Variants in ACVR1C observed in about 807,000 individuals in gnomAD.
The protein encoded by ACVR1C is activin A receptor type 1C, also known as activin receptor type-1C.
A neutral mutation model predicts 57.9 loss-of-function variants in ACVR1C; 23 were observed. The ratio of observed to expected loss-of-function variants is 0.40; its 90% CI spans 0.29 to 0.56. ACVR1C has a LOEUF of 0.56. Among genes scored for constraint, ACVR1C ranks in the 20% least tolerant of loss-of-function variants. The pLI, the probability that ACVR1C is intolerant of heterozygous loss-of-function variation, is 0.50. For missense variants in ACVR1C, 480 were observed against 607.9 expected (o/e 0.79, Z 2.21); for synonymous variants, 214 against 215.3 (o/e 0.99, Z 0.05).
chr2:157,547,619 T>C (rs1214054388), intron 4 of ACVR1C, among the ~76,000 whole-genome samples: 1 of 142,650 alleles, frequency 7.0e-6, no homozygotes. Flanking sequence ...ATGTCTTCTT[T>C]TGAGAAGTGT....
rs188224653 is a variant in ACVR1C at position 157,529,477 on chromosome 2, C to T, written c.*4441G>A. 9.9e-5 allele frequency: 15 copies of T among 152,114 alleles called. No homozygotes were observed. The highest frequency in any genetic ancestry group is 1.6e-4 in the Non-Finnish European group (11 of 67,966). The allele number at this position is 152,114 out of a possible 1,614,324, so 9.4% of individuals were successfully genotyped here. The stretch of plus-strand genomic sequence containing the variant: ...CATTCAAGGTAGGTTTAGATGCATG[C>T]GAATTAATTTTTAATCAGTAAAAGT... On this transcript the variant is annotated 3_prime_UTR_variant, in exon 9 of 9. Transcript: ENST00000243349.
intron 2 of ACVR1C, among the ~76,000 whole-genome samples, chr2:157,576,767 G>GT (rs779451677): frequency 1.8e-4 from 27 of 148,488 alleles, no homozygotes; most frequent in South Asian, 4.4e-4. Flanking sequence ...AAGAGTTTGT[G>GT]TAAGAATTAC....
In ACVR1C at chr2:157,541,177, C is replaced by T. The variant is rs1484346954; in HGVS notation, c.1138G>A (p.Val380Met). The change falls in exon 7 of 9, where the codon GTG becomes ATG. Residue 380 changes from valine (V) to methionine (M), a missense_variant. Val to Met is a conservative substitution (Grantham distance 21, BLOSUM62 1). Coordinates refer to ENST00000243349, the MANE Select transcript of ACVR1C (RefSeq NM_145259.3). ...CGTTTGAAGGACTCAAAGATATTCA[C>T]ATTCATTGTATCATCAAGCATTTCA... Reference protein sequence around the residue: ...APEMLDDTMNVNIFESFKRAD... With the variant: ...APEMLDDTMNMNIFESFKRAD... 5.6e-6 allele frequency: 9 copies of T among 1,613,870 alleles called. No homozygotes were observed. Among genetic ancestry groups the T allele is most frequent in the Non-Finnish European group, 7.6e-6 (9 of 1,179,868 alleles).
intron 5 of ACVR1C, 134 bp from the exon 6 acceptor site, chr2:157,542,996 T>A: frequency 1.2e-6 from 1 of 834,638 alleles, no homozygotes; most frequent in Non-Finnish European, 1.8e-6. Flanking sequence ...CTATCTAAAT[T>A]ATCTTGTTTA....
At chr2:157,575,554 C>A (rs770142990) in intron 2 of ACVR1C, among the ~76,000 whole-genome samples, 1 of 152,330 alleles carries the variant, frequency 6.6e-6, no homozygotes, top group African/African-American at 2.4e-5. Context: ...CAGGTGTGAA[C>A]CATTATGCCT....
chr2:157,555,101 CTTTTTTTTTTTTTT>C (rs60269781), intron 3 of ACVR1C, among the ~76,000 whole-genome samples: 2 of 83,926 alleles, frequency 2.4e-5, no homozygotes, highest in African/African-American at 1.2e-4. Context: ...ACTTTGAACG[CTTTTTTTTTTTTTT>C]TTTTTTTTTT....
intron 2 of ACVR1C, among the ~76,000 whole-genome samples, chr2:157,560,682 GGAAC>G (rs1388062165): frequency 1.4e-4 from 21 of 152,072 alleles, no homozygotes; most frequent in Admixed American, 1.4e-3. Context: ...AACCTAAATG[GGAAC>G]TTTCTCTATA....
At chr2:157,608,358 T>C (rs1682455092) in intron 1 of ACVR1C, among the ~76,000 whole-genome samples, 1 of 152,008 alleles carries the variant, frequency 6.6e-6, no homozygotes, top group Non-Finnish European at 1.5e-5. Flanking sequence ...ATATGTTATC[T>C]TTTTGATGTG....
At chr2:157,582,970 C>T (rs1490909889) in intron 2 of ACVR1C, among the ~76,000 whole-genome samples, 2 of 152,188 alleles carry the variant, frequency 1.3e-5, no homozygotes, top group Non-Finnish European at 2.9e-5. Flanking sequence ...CAACCTCTGC[C>T]TCCTGGGTTC....
chr2:157,625,627 G>A (rs1682878436), intron 1 of ACVR1C, among the ~76,000 whole-genome samples: 1 of 150,958 alleles, frequency 6.6e-6, no homozygotes, highest in South Asian at 2.1e-4. Flanking sequence ...GGGGGGTGGG[G>A]GGAAGAATTT....
At position 157,533,117 on chromosome 2, in the gene ACVR1C, T is replaced by C. The variant is rs1008382904; in HGVS notation, c.*801A>G. ...AAATATCATAATAAAAGATATTACA[T>C]AGGGAGAAAAGCACTATTCAAGGGA... On this transcript the variant is annotated 3_prime_UTR_variant, in exon 9 of 9. Coordinates refer to ENST00000243349, the MANE Select transcript of ACVR1C (RefSeq NM_145259.3). The C allele has an allele frequency of 2.0e-5, 3 of 152,130 alleles. No individual in the cohort carries two copies. Among genetic ancestry groups the C allele is most frequent in the Non-Finnish European group, 2.9e-5 (2 of 68,022 alleles). The allele number at this position is 152,130 out of a possible 1,614,324, so 9.4% of individuals were successfully genotyped here.
chr2:157,541,256 T>C (rs747685509), intron 6 of ACVR1C, 42 bp from the exon 7 acceptor site: 4 of 1,575,082 alleles, frequency 2.5e-6, no homozygotes, highest in Non-Finnish European at 2.6e-6. Context: ...TATGACTTTA[T>C]AGCAGTCCAG....
chr2:157,601,054 G>T (rs1360271132), intron 1 of ACVR1C, among the ~76,000 whole-genome samples: 2 of 152,164 alleles, frequency 1.3e-5, no homozygotes, highest in East Asian at 3.9e-4. Flanking sequence ...GCGGTAGCTT[G>T]CACATGTAAT....
chr2:157,564,040 C>G (rs1184971932), intron 2 of ACVR1C, among the ~76,000 whole-genome samples: 2 of 152,292 alleles, frequency 1.3e-5, no homozygotes, highest in South Asian at 4.2e-4. Flanking sequence ...CAATACCATT[C>G]AGGACATAGG....
intron 2 of ACVR1C, among the ~76,000 whole-genome samples, chr2:157,561,905 G>A (rs1688236119): frequency 6.6e-6 from 1 of 152,190 alleles, no homozygotes; most frequent in African/African-American, 2.4e-5. Flanking sequence ...GGAAATGCCA[G>A]AAAAGCAGGG....
chr2:157,550,002 C>CA (rs34150063), intron 4 of ACVR1C, among the ~76,000 whole-genome samples, 160 bp downstream of exon 4: 2,004 of 91,768 alleles, frequency 0.022, 75 homozygotes, highest in African/African-American at 0.078. Flanking sequence ...GATTACGTCT[C>CA]AAAAAAAAAA....
intron 2 of ACVR1C, among the ~76,000 whole-genome samples, chr2:157,580,040 T>C (rs1328225317): frequency 2.6e-5 from 4 of 151,750 alleles, no homozygotes; most frequent in African/African-American, 9.7e-5. Context: ...GCACCCCCTC[T>C]CTTCCCCAAC....
At chr2:157,610,038 T>C (rs1682496953) in intron 1 of ACVR1C, among the ~76,000 whole-genome samples, 2 of 152,124 alleles carry the variant, frequency 1.3e-5, no homozygotes, top group Non-Finnish European at 1.5e-5. Flanking sequence ...TTTGTTCCTT[T>C]CTTTTTCTCT....
At position 157,542,831 on chromosome 2, in the gene ACVR1C, T is replaced by A. The variant is rs1231792445; in HGVS notation, c.975A>T (p.Lys325Asn). The A allele has an allele frequency of 2.2e-5, 35 of 1,613,990 alleles. No homozygotes were observed. The highest frequency in any genetic ancestry group is 2.9e-5 in the Non-Finnish European group (34 of 1,179,980). ...ACTTTTTCACTAAGATATTCTTTGATTTTATGTCTCGATGAGCAATAGCAG... is the reference window on the plus strand; with the variant it reads ...ACTTTTTCACTAAGATATTCTTTGAATTTATGTCTCGATGAGCAATAGCAG... ...GKPAIAHRDI[K>N]SKNILVKKCE... is the part of the protein sequence containing the mutation. Residue 325 changes from lysine to asparagine, a missense_variant, in exon 6 of 9, where the codon AAA becomes AAT. Physicochemically the swap from Lys to Asn is moderately conservative, Grantham distance 94. Coordinates refer to ENST00000243349, the MANE Select transcript of ACVR1C (RefSeq NM_145259.3).
Sources: allele counts gnomAD v4.1 joint callset (sites outside exome capture counted in the v4.1 genomes callset), GRCh38; gene constraint gnomAD v4.1.1; transcripts MANE v1.5; gene names NCBI Gene and HGNC (gene_info 2026-07-23, HGNC 2026-07-21).